The following DNAH14 variants were observed in gnomAD, a reference collection of about 807,000 sequenced individuals.
The protein encoded by DNAH14 is dynein axonemal heavy chain 14, also known as axonemal beta dynein heavy chain 14.
A neutral mutation model predicts 520.9 loss-of-function variants in DNAH14; 478 were observed. That is an observed-to-expected ratio of 0.92 (90% confidence interval 0.85 to 0.99). The LOEUF (loss-of-function observed/expected upper bound fraction) is 0.99. DNAH14 is among the 50% of genes least tolerant of loss of function. DNAH14 has a pLI of 0.00. For missense variants in DNAH14, 4,831 were observed against 5,234.5 expected, an observed-to-expected ratio of 0.92 and a Z score of 2.38; for synonymous variants, 1,581 against 1,757.2, an observed-to-expected ratio of 0.90 and a Z score of 2.51.
rs560233312 is a variant in DNAH14, at chr1:225,148,396, C to CTTTTTTTTTTTTTT, written c.4940+1157_4940+1170dup. On this transcript the variant is annotated intron_variant, in intron 31 of 85. Transcript: ENST00000682510. ...TTCTCTAATGATCAGTAATGTTGAG[C>CTTTTTTTTTTTTTT]TTTTTTTTTTTTTTTTTTTTTTTGA... 4.1e-5 allele frequency among the ~76,000 whole-genome samples: 4 copies of CTTTTTTTTTTTTTT among 96,622 alleles called. 1 individual carries two copies. The highest frequency in any genetic ancestry group is 1.5e-4 in the African/African-American group (3 of 20,336). The allele number at this position is 96,622 out of a possible 152,430, so 63.4% of individuals were successfully genotyped here.
intron 8 of DNAH14, among the ~76,000 whole-genome samples, chr1:225,000,795 G>GT (rs35726890): frequency 2.0e-5 from 3 of 151,520 alleles, no homozygotes; most frequent in Admixed American, 6.6e-5. Flanking sequence ...CAGCCATTGA[G>GT]TTTTTTTTGT....
intron 21 of DNAH14, among the ~76,000 whole-genome samples, chr1:225,095,724 G>T (rs2074903651): frequency 6.6e-6 from 1 of 152,166 alleles, no homozygotes; most frequent in Non-Finnish European, 1.5e-5. Flanking sequence ...CTAAGTGAAA[G>T]AAGTCAGAGC....
intron 22 of DNAH14, among the ~76,000 whole-genome samples, chr1:225,097,685 A>G (rs2075109788): frequency 6.6e-6 from 1 of 151,956 alleles, no homozygotes; most frequent in Non-Finnish European, 1.5e-5. Context: ...GAGGCAGGAG[A>G]ATCACTTGAA....
At chr1:225,123,185 G>A (rs2077428485) in intron 26 of DNAH14, among the ~76,000 whole-genome samples, 1 of 152,152 alleles carries the variant, frequency 6.6e-6, no homozygotes, top group Admixed American at 6.6e-5. Flanking sequence ...TTTCAGCCCA[G>A]TATTCCATTT....
At chr1:224,936,554 T>G (rs981291180) in intron 1 of DNAH14, among the ~76,000 whole-genome samples, 4 of 151,942 alleles carry the variant, frequency 2.6e-5, no homozygotes, top group Non-Finnish European at 4.4e-5. Flanking sequence ...CAATAGGTAG[T>G]AACAAGTTCA....
In DNAH14 at chr1:225,273,057, T is replaced by A; in HGVS notation, c.7942T>A (p.Leu2648Ile). ...AGCCACCCGAGTATTTCACGATCGC[T>A]TAATTGATTTCACTGATAAAAGCCT... is the stretch of plus-strand genomic sequence containing the variant. ...HEATRVFHDR[L>I]IDFTDKSLFY... Residue 2648 changes from leucine (L) to isoleucine (I), a missense_variant, in exon 52 of 86, where the codon TTA (leucine) becomes ATA (isoleucine). Physicochemically the swap from Leu to Ile is conservative, Grantham distance 5 (BLOSUM62 2). Transcript: ENST00000682510. 6.4e-7 allele frequency: 1 copy of A among 1,551,696 alleles called. No individual in the cohort carries two copies. The highest frequency in any genetic ancestry group is 8.7e-7 in the Non-Finnish European group (1 of 1,146,996).
intron 23 of DNAH14, among the ~76,000 whole-genome samples, chr1:225,115,466 T>C (rs765587875): frequency 7.2e-5 from 11 of 152,230 alleles, no homozygotes; most frequent in Admixed American, 4.6e-4. Flanking sequence ...GTGGTGTACA[T>C]ATTCACTTTA....
intron 23 of DNAH14, among the ~76,000 whole-genome samples, chr1:225,110,098 A>G (rs2076371363): frequency 6.6e-6 from 1 of 152,092 alleles, no homozygotes; most frequent in African/African-American, 2.4e-5. Flanking sequence ...CATTTTGTTG[A>G]GGATTTTTGC....
intron 1 of DNAH14, among the ~76,000 whole-genome samples, chr1:224,933,568 C>G (rs538818333): frequency 6.6e-6 from 1 of 152,128 alleles, no homozygotes; most frequent in African/African-American, 2.4e-5. Context: ...GTGGGTCTAT[C>G]CTATGTGGCC....
rs115981333 is a variant in DNAH14, at chr1:225,045,620, T to A, written c.1912+1637T>A. On this transcript the variant is annotated intron_variant, in intron 15 of 85. Transcript: ENST00000682510. ...CTACAGATTGTCCATCAGTTTTGGA[T>A]TGTCTGATGTTGTCTCATGATGAGT... 6.3e-3 allele frequency among the ~76,000 whole-genome samples: 956 copies of A among 152,240 alleles called. 6 individuals are homozygous for A. The highest frequency in any genetic ancestry group is 9.7e-3 in the Non-Finnish European group (662 of 67,956).
intron 46 of DNAH14, among the ~76,000 whole-genome samples, chr1:225,262,190 G>GT (rs56744969): frequency 0.091 from 13,397 of 147,982 alleles, 726 homozygotes; most frequent in African/African-American, 0.15. Flanking sequence ...CTTTTAATGG[G>GT]TTTTTTTTTT....
chr1:225,340,581 A>G lies in DNAH14; in HGVS notation c.10558A>G (p.Thr3520Ala). ...AGATCAACTCTTGTCTACTGTGGTA[A>G]CTCATGAAGTTCCTCATTTAGAAGA... ...LQDQLLSTVV[T>A]HEVPHLEDQR... The change falls in exon 69 of 86, where the codon ACT becomes GCT. Residue 3520 changes from threonine to alanine, a missense_variant. Physicochemically the swap from Thr to Ala is moderately conservative, Grantham distance 58 (BLOSUM62 0). Transcript: ENST00000682510. The G allele has an allele frequency of 1.3e-6, 2 of 1,551,416 alleles. No homozygotes were observed. The highest frequency in any genetic ancestry group is 1.7e-6 in the Non-Finnish European group (2 of 1,146,868).
chr1:225,055,749 T>A (rs1460616365), intron 17 of DNAH14, among the ~76,000 whole-genome samples: 1 of 145,482 alleles, frequency 6.9e-6, no homozygotes, highest in Non-Finnish European at 1.5e-5. Flanking sequence ...TGTGTTCTCG[T>A]TGTTCAGTTC....
At chr1:225,336,440 C>G (rs1022993226) in intron 66 of DNAH14, among the ~76,000 whole-genome samples, 4 of 151,792 alleles carry the variant, frequency 2.6e-5, no homozygotes, top group African/African-American at 9.7e-5. Flanking sequence ...TAAATTTGTA[C>G]CTAATAACAT....
At chr1:225,132,508 C>G (rs970593524) in intron 27 of DNAH14, among the ~76,000 whole-genome samples, 6 of 151,988 alleles carry the variant, frequency 3.9e-5, no homozygotes, top group Non-Finnish European at 8.8e-5. Flanking sequence ...CTGAGGATAA[C>G]GACTCCCAGA....
At chr1:224,937,638 A>G (rs1211919260) in intron 1 of DNAH14, among the ~76,000 whole-genome samples, 1 of 152,136 alleles carries the variant, frequency 6.6e-6, no homozygotes, top group East Asian at 1.9e-4. Context: ...AGCAATTTAC[A>G]TATTCAGTGC....
intron 78 of DNAH14, among the ~76,000 whole-genome samples, chr1:225,376,697 TG>T (rs1167326973): frequency 6.6e-6 from 1 of 152,238 alleles, no homozygotes; most frequent in Non-Finnish European, 1.5e-5. Context: ...TTGCTTCTTC[TG>T]CAGGTAATTT....
In DNAH14 at chr1:225,043,056, G is replaced by T; in HGVS notation, c.1710G>T (p.Leu570Phe). Residue 570 changes from leucine (L) to phenylalanine (F), a missense_variant, in exon 13 of 86, where the codon TTG (leucine) becomes TTT (phenylalanine). Transcript: ENST00000682510. ...NCVKKHSSEE[L>F]LPKAKKSKEI... ...TCAAAAAACACTCAAGTGAAGAATTGCTCCCAAAAGCCAAGAAATCAAAAG... is the reference window on the plus strand; with the variant it reads ...TCAAAAAACACTCAAGTGAAGAATTTCTCCCAAAAGCCAAGAAATCAAAAG... 1 of 1,551,400 alleles carries T rather than the reference G, an allele frequency of 6.4e-7. No individual in the cohort carries two copies. The highest frequency in any genetic ancestry group is 8.7e-7 in the Non-Finnish European group (1 of 1,146,930).
intron 7 of DNAH14, among the ~76,000 whole-genome samples, chr1:224,972,517 G>A (rs951573186): frequency 1.2e-4 from 18 of 151,132 alleles, no homozygotes; most frequent in African/African-American, 4.4e-4. Flanking sequence ...CCAGGCCGGA[G>A]TGCAGTGGCA....
Sources: gnomAD v4.1 joint callset for allele counts (sites outside exome capture counted in the v4.1 genomes callset) on GRCh38, gnomAD v4.1.1 for gene constraint, MANE v1.5 for transcripts, NCBI Gene and HGNC (gene_info 2026-07-23, HGNC 2026-07-21) for gene names.